The following GCNT2 variants were observed in gnomAD, a reference collection of about 807,000 sequenced individuals.
GCNT2 encodes glucosaminyl (N-acetyl) transferase 2 (I blood group), also known as N-acetyllactosaminide beta-1,6-N-acetylglucosaminyl-transferase.
GCNT2 carries 34 observed loss-of-function variants against 34.2 expected under a neutral mutation model. The observed-to-expected ratio is 1.00, with a 90% CI of 0.76 to 1.32. The LOEUF (loss-of-function observed/expected upper bound fraction) is 1.32. Ranked by LOEUF, GCNT2 falls within the 40% of genes most tolerant of loss-of-function variation. GCNT2 has a pLI of 0.00. For synonymous variants in GCNT2, 212 were observed against 188.0 expected (o/e 1.13, Z -1.04); for missense variants, 584 against 489.4 (o/e 1.19, Z -1.82).
intron 3 of GCNT2, among the ~76,000 whole-genome samples, chr6:10,567,448 T>A (rs1475902331): frequency 6.6e-6 from 1 of 152,060 alleles, no homozygotes; most frequent in Non-Finnish European, 1.5e-5. Context: ...CAGAGCAAGA[T>A]GCTATCTCAA....
intron 3 of GCNT2, among the ~76,000 whole-genome samples, chr6:10,560,513 C>T (rs1431819826): frequency 3.9e-5 from 6 of 152,062 alleles, no homozygotes; most frequent in Admixed American, 2.0e-4. Context: ...TCAAAGCGAC[C>T]GCCTCCCTTT....
intron 1 of GCNT2, among the ~76,000 whole-genome samples, chr6:10,526,072 G>A (rs1561774612): frequency 6.6e-6 from 1 of 152,180 alleles, no homozygotes; most frequent in Non-Finnish European, 1.5e-5. Context: ...GGTCTAAAGA[G>A]ACGTTAAAAG....
At chr6:10,529,864 T>A in intron 3 of GCNT2, 28 bp downstream of exon 3, 1 of 1,554,306 alleles carries the variant, frequency 6.4e-7, no homozygotes, top group South Asian at 1.1e-5. Context: ...CTTTTATTTT[T>A]ACGAATAAAC....
intron 3 of GCNT2, among the ~76,000 whole-genome samples, chr6:10,587,758 C>T (rs1041375532): frequency 1.3e-5 from 2 of 152,140 alleles, no homozygotes; most frequent in African/African-American, 2.4e-5. Flanking sequence ...CTCTGTTTCC[C>T]ATAGGTGGTC....
At chr6:10,585,109 CTAAAT>C (rs1451103880) in intron 3 of GCNT2, among the ~76,000 whole-genome samples, 2 of 150,266 alleles carry the variant, frequency 1.3e-5, no homozygotes, top group Non-Finnish European at 3.0e-5. Flanking sequence ...TCATTAGAAT[CTAAAT>C]TAATCTACCT....
At chr6:10,529,972 C>A (rs138470387) in intron 3 of GCNT2, 136 bp downstream of exon 3, 1 of 747,100 alleles carries the variant, frequency 1.3e-6, no homozygotes, top group Non-Finnish European at 2.2e-6. Flanking sequence ...AAAAAAATTT[C>A]ATCTGTAAAA....
rs1010362314 is a variant in GCNT2 at position 10,621,637 on chromosome 6, C to G, written c.1018+194C>G. 2.0e-5 allele frequency: 12 copies of G among 598,158 alleles called. No homozygotes were observed. In the African/African-American group the frequency reaches 2.0e-4, roughly 10 times the overall value. The allele number at this position is 598,158 out of a possible 1,614,324, so 37.1% of individuals were successfully genotyped here. A position where few individuals can be genotyped will look rare whatever the true frequency, so the allele number is the denominator to read the frequency against. On this transcript the variant is annotated intron_variant, in intron 4 of 4. Coordinates refer to ENST00000495262, the MANE Select transcript of GCNT2 (RefSeq NM_145649.5). ...TAAACATCTCATTGATGTTCTCTAA[C>G]TTATAATTACCTAGGGAGATGGAAA...
At chr6:10,557,117 C>G (rs779151758) in intron 3 of GCNT2, 1 of 1,559,844 alleles carries the variant, frequency 6.4e-7, no homozygotes, top group Admixed American at 2.0e-5. Flanking sequence ...ATATGTCCAC[C>G]AAGAGCACCT....
At chr6:10,623,964 G>C (rs1766153210) in intron 4 of GCNT2, among the ~76,000 whole-genome samples, 1 of 152,106 alleles carries the variant, frequency 6.6e-6, no homozygotes, top group African/African-American at 2.4e-5. Context: ...ACCCTACAAG[G>C]CTGATTCCTA....
Position 10,523,563 on chromosome 6 carries a change from C to T in GCNT2, c.-469+2146C>T, listed in dbSNP as rs544818250. On this transcript the variant is annotated intron_variant, in intron 1 of 4. Transcript: ENST00000495262. ...CCTCTTCTTCCCCACAGCTTTCCAT[C>T]CAGGTCTGGAATTAGCTCTGACTTC... Among the ~76,000 whole-genome samples, 84 of 152,268 alleles carry T rather than the reference C, an allele frequency of 5.5e-4. 3 individuals are homozygous for T. The South Asian group carries it at 0.017, about 31-fold the overall frequency.
chr6:10,587,473 A>T (rs1764407869), intron 3 of GCNT2, among the ~76,000 whole-genome samples: 1 of 152,216 alleles, frequency 6.6e-6, no homozygotes, highest in Non-Finnish European at 1.5e-5. Flanking sequence ...TGTTTCTACA[A>T]ATCTAACCTG....
intron 3 of GCNT2, among the ~76,000 whole-genome samples, chr6:10,533,930 A>G (rs1006354762): frequency 3.3e-5 from 5 of 150,886 alleles, no homozygotes; most frequent in African/African-American, 1.2e-4. Flanking sequence ...TTGCTGGTGC[A>G]GTGGTCAGGC....
Position 10,528,704 on chromosome 6 carries a change from A to G in GCNT2, c.-208A>G. ...GCCACTTCAGAAATGTGTCACAGAA[A>G]AGTGAAAATGCAACCTAGTGGTAAG... is the stretch of plus-strand genomic sequence containing the variant. On this transcript the variant is annotated 5_prime_UTR_variant, in exon 3 of 5. Transcript: ENST00000495262. 1 of 605,922 alleles carries G rather than the reference A, an allele frequency of 1.7e-6. No homozygotes were observed. 37.5% of individuals were successfully genotyped at this position (605,922 alleles called of 1,614,324 possible). A position where few individuals can be genotyped will look rare whatever the true frequency, so the allele number is the denominator to read the frequency against.
intron 3 of GCNT2, among the ~76,000 whole-genome samples, chr6:10,580,073 CAG>C (rs1446880891): frequency 1.3e-5 from 2 of 152,132 alleles, no homozygotes; most frequent in Non-Finnish European, 2.9e-5. Flanking sequence ...GGCTAAGCCT[CAG>C]AGGGATTTAA....
At chr6:10,567,334 G>A (rs1763328033) in intron 3 of GCNT2, among the ~76,000 whole-genome samples, 1 of 152,140 alleles carries the variant, frequency 6.6e-6, no homozygotes, top group South Asian at 2.1e-4. Context: ...GCACATGTCT[G>A]TGGTACCAGC....
rs192372480 is a variant in GCNT2, at chr6:10,614,086, C to T, written c.926-7265C>T. Among the ~76,000 whole-genome samples, 3 of 152,284 alleles carry T rather than the reference C, an allele frequency of 2.0e-5. No individual in the cohort carries two copies. In the East Asian group the frequency reaches 5.8e-4, roughly 29 times the overall value. On this transcript the variant is annotated intron_variant, in intron 3 of 4. Transcript: ENST00000495262. ...TTTCAGCCCAAGCCAAATTAAATTACTTACTGAACAGTGAGCACATTGTAC... is the reference window on the plus strand; with the variant it reads ...TTTCAGCCCAAGCCAAATTAAATTATTTACTGAACAGTGAGCACATTGTAC...
intron 3 of GCNT2, among the ~76,000 whole-genome samples, chr6:10,617,143 G>A (rs914443291): frequency 1.3e-5 from 2 of 152,168 alleles, no homozygotes; most frequent in African/African-American, 2.4e-5. Context: ...GGCCGCGCAG[G>A]AGCCCATGGC....
chr6:10,582,008 G>A (rs2127407699), intron 3 of GCNT2: 2 of 217,552 alleles, frequency 9.2e-6, no homozygotes, highest in African/African-American at 2.5e-5. Flanking sequence ...ATATATTTAT[G>A]TGTATATATG....
chr6:10,584,133 A>G (rs1764238682), intron 3 of GCNT2, among the ~76,000 whole-genome samples: 2 of 151,846 alleles, frequency 1.3e-5, no homozygotes, highest in Non-Finnish European at 2.9e-5. Context: ...ATTGATCACT[A>G]TTTTTCCTAT....
Sources: allele counts gnomAD v4.1 joint callset (sites outside exome capture counted in the v4.1 genomes callset), GRCh38; gene constraint gnomAD v4.1.1; transcripts MANE v1.5; gene names NCBI Gene and HGNC (gene_info 2026-07-23, HGNC 2026-07-21).